KDM4C: variants seen among roughly 807,000 people sequenced by gnomAD.
KDM4C encodes lysine demethylase 4C, also known as lysine-specific demethylase 4C.
KDM4C carries 81 observed loss-of-function variants against 129.3 expected under a neutral mutation model. That is an observed-to-expected ratio of 0.63 (90% confidence interval 0.52 to 0.75). KDM4C has a LOEUF of 0.75. Ranked by LOEUF, KDM4C falls within the 30% of genes least tolerant of loss-of-function variation. The pLI is 0.00. For missense variants in KDM4C, 1,457 were observed against 1,304.0 expected, an observed-to-expected ratio of 1.12 and a Z score of -1.81; for synonymous variants, 573 against 456.1, an observed-to-expected ratio of 1.26 and a Z score of -3.26.
chr9:7,162,354 A>G (rs2130369996), intron 19 of KDM4C, among the ~76,000 whole-genome samples: 1 of 152,338 alleles, frequency 6.6e-6, no homozygotes, highest in East Asian at 1.9e-4. Flanking sequence ...ATACAGAGCA[A>G]CGTTAGGAGG....
intron 1 of KDM4C, among the ~76,000 whole-genome samples, chr9:6,780,830 G>A (rs1320753051): frequency 2.2e-5 from 3 of 138,926 alleles, no homozygotes; most frequent in African/African-American, 7.9e-5. Flanking sequence ...CTCATATAAT[G>A]TAGATTTCAG....
intron 4 of KDM4C, among the ~76,000 whole-genome samples, chr9:6,831,389 A>G (rs1310754712): frequency 1.4e-5 from 2 of 146,962 alleles, no homozygotes; most frequent in East Asian, 4.0e-4. Context: ...TTTTTTTGAG[A>G]CAGAGCCTCA....
intron 8 of KDM4C, among the ~76,000 whole-genome samples, chr9:6,966,394 TCTC>T (rs1330635423): frequency 1.3e-5 from 2 of 151,988 alleles, no homozygotes; most frequent in Non-Finnish European, 2.9e-5. Flanking sequence ...GTGGTCTTGA[TCTC>T]CTGACCTCGT....
chr9:6,724,301 G>T (rs776582263), intron 1 of KDM4C, among the ~76,000 whole-genome samples: 6 of 152,100 alleles, frequency 3.9e-5, no homozygotes, highest in Non-Finnish European at 8.8e-5. Flanking sequence ...ACCGCTGCCT[G>T]GTATACTCCA....
chr9:6,828,187 G>T lies in KDM4C; in HGVS notation c.435+13442G>T, dbSNP rs182947875. Among the ~76,000 whole-genome samples the T allele has an allele frequency of 1.1e-4, 16 of 151,754 alleles. 1 individual carries two copies. In the East Asian group the frequency reaches 1.8e-3, roughly 17 times the overall value. On this transcript the variant is annotated intron_variant, in intron 4 of 21. Coordinates refer to ENST00000381309, the MANE Select transcript of KDM4C (RefSeq NM_015061.6). ...TTTTGAGACGGAGCCTCGCACTGTC[G>T]CCCAGGCTGGAGTGCAGTGGCGTGA... is the stretch of plus-strand genomic sequence containing the variant.
At chr9:6,969,692 G>A (rs1831616025) in intron 8 of KDM4C, among the ~76,000 whole-genome samples, 1 of 152,196 alleles carries the variant, frequency 6.6e-6, no homozygotes. Flanking sequence ...AACCGTAGAT[G>A]CATTTCCAGT....
In KDM4C at chr9:6,789,741, G is replaced by A. The variant is rs572092396; in HGVS notation, c.-17-3231G>A. Among the ~76,000 whole-genome samples, 3 of 152,140 alleles carry A rather than the reference G, an allele frequency of 2.0e-5. No homozygotes were observed. In the South Asian group the frequency reaches 6.2e-4, roughly 32 times the overall value. ...TGCTATCCTGAAGCCCATGAATTTG[G>A]GGGTATGTACCTGTCTACACGTGAA... On this transcript the variant is annotated intron_variant, in intron 1 of 21. Transcript: ENST00000381309.
rs770923864 is a variant in KDM4C at position 6,984,398 on chromosome 9, C to T, written c.1348C>T (p.Leu450Phe). 1 of 1,603,778 alleles carries T rather than the reference C, an allele frequency of 6.2e-7. No individual in the cohort carries two copies. The change falls in exon 10 of 22, where the codon CTC (leucine) becomes TTC (phenylalanine). Residue 450 changes from leucine (L) to phenylalanine (F), a missense_variant. Physicochemically the swap from Leu to Phe is conservative, Grantham distance 22 (BLOSUM62 0). Coordinates refer to ENST00000381309, the MANE Select transcript of KDM4C (RefSeq NM_015061.6). ...GCAGAATTTATCAGATCATATCAAACTCTCAGGTGAGAAGATGGTTGATTA... is the reference window on the plus strand; with the variant it reads ...GCAGAATTTATCAGATCATATCAAATTCTCAGGTGAGAAGATGGTTGATTA... ...VEQNLSDHIK[L>F]SGNSCLSTSV... is the part of the protein sequence containing the mutation.
At chr9:6,818,374 A>G (rs1832496867) in intron 4 of KDM4C, among the ~76,000 whole-genome samples, 1 of 152,204 alleles carries the variant, frequency 6.6e-6, no homozygotes, top group South Asian at 2.1e-4. Context: ...TAAATTTCTT[A>G]TGAGCTAAAT....
intron 1 of KDM4C, among the ~76,000 whole-genome samples, chr9:6,747,020 A>G (rs893181747): frequency 7.3e-4 from 109 of 150,148 alleles, no homozygotes; most frequent in African/African-American, 2.4e-3. Flanking sequence ...AAAAAAAAAA[A>G]AAAAAAAAAG....
chr9:7,130,765 T>C (rs1840539476), intron 19 of KDM4C, among the ~76,000 whole-genome samples: 1 of 151,990 alleles, frequency 6.6e-6, no homozygotes, highest in Admixed American at 6.6e-5. Context: ...TTTTTTTTCT[T>C]TTTTCTTTTT....
At chr9:6,792,508 C>T in intron 1 of KDM4C, among the ~76,000 whole-genome samples, 1 of 151,848 alleles carries the variant, frequency 6.6e-6, no homozygotes, top group South Asian at 2.1e-4. Context: ...GCTGCCTCAG[C>T]CTCCTGAGTA....
intron 2 of KDM4C, among the ~76,000 whole-genome samples, chr9:6,796,537 T>C (rs570655818): frequency 1.0e-3 from 155 of 152,306 alleles, no homozygotes; most frequent in Middle Eastern, 3.4e-3. Flanking sequence ...TCAGTAACTT[T>C]AGAAGAGGAA....
intron 8 of KDM4C, among the ~76,000 whole-genome samples, chr9:6,922,703 C>T (rs1394372045): frequency 1.3e-5 from 2 of 152,262 alleles, no homozygotes; most frequent in African/African-American, 4.8e-5. Context: ...ACCATGATTG[C>T]ACCACTGTAC....
intron 19 of KDM4C, 72 bp downstream of exon 19, chr9:7,128,308 C>T (rs773521956): frequency 6.3e-6 from 8 of 1,271,888 alleles, no homozygotes; most frequent in Admixed American, 6.0e-5. Flanking sequence ...CTGAGCCCTT[C>T]AGAATTTTTC....
At chr9:6,951,875 G>A (rs894634594) in intron 8 of KDM4C, among the ~76,000 whole-genome samples, 10 of 152,098 alleles carry the variant, frequency 6.6e-5, no homozygotes, top group South Asian at 6.2e-4. Flanking sequence ...TAAATGACAC[G>A]TTATAAATAT....
At position 6,793,033 on chromosome 9, in the gene KDM4C, G is replaced by C. The variant is rs1242361314; in HGVS notation, c.45G>C (p.Lys15Asn). The stretch of plus-strand genomic sequence containing the variant: ...AAAGTCCTCTGAACCCCAGCTGTAA[G>C]ATAATGACCTTCAGACCCTCCATGG... ...EVESPLNPSC[K>N]IMTFRPSMEE... Residue 15 changes from lysine to asparagine, a missense_variant, in exon 2 of 22, where the codon AAG becomes AAC. Lys to Asn is a moderately conservative substitution (Grantham distance 94, BLOSUM62 0). Transcript: ENST00000381309. 1 of 1,614,200 alleles carries C rather than the reference G, an allele frequency of 6.2e-7. No individual in the cohort carries two copies. The highest frequency in any genetic ancestry group is 8.5e-7 in the Non-Finnish European group (1 of 1,180,038).
chr9:6,917,574 T>C (rs941093510), intron 8 of KDM4C, among the ~76,000 whole-genome samples: 1 of 152,244 alleles, frequency 6.6e-6, no homozygotes, highest in Non-Finnish European at 1.5e-5. Context: ...GAGATAAGCA[T>C]GCAGCCATCC....
chr9:6,757,855 G>A (rs1818511657), upstream of KDM4C: 3 of 985,624 alleles, frequency 3.0e-6, no homozygotes, highest in Non-Finnish European at 3.6e-6. Context: ...ACCACAGCGC[G>A]GAAGTTGAGC....
Sources: allele counts gnomAD v4.1 joint callset (sites outside exome capture counted in the v4.1 genomes callset), GRCh38; gene constraint gnomAD v4.1.1; transcripts MANE v1.5; gene names NCBI Gene and HGNC (gene_info 2026-07-23, HGNC 2026-07-21).